The following GALK2 variants were observed in gnomAD, a reference collection of about 807,000 sequenced individuals.
GALK2 encodes the protein galactokinase 2.
In GALK2, 36 loss-of-function variants were observed where a neutral mutation model predicts 52.4. The observed-to-expected ratio is 0.69, with a 90% CI of 0.53 to 0.91. The LOEUF (loss-of-function observed/expected upper bound fraction) is 0.91, where lower values mean the gene tolerates loss of function less well. Among genes scored for constraint, GALK2 ranks in the 40% least tolerant of loss-of-function variants. The probability of loss-of-function intolerance (pLI) is 0.00; values close to 1 mark genes in which losing one functional copy is unlikely to be tolerated. For synonymous variants in GALK2, 176 were observed against 199.1 expected, an observed-to-expected ratio of 0.88 and a Z score of 0.98; for missense variants, 579 against 559.1, an observed-to-expected ratio of 1.04 and a Z score of -0.36.
At chr15:49,263,678 A>T in intron 5 of GALK2, among the ~76,000 whole-genome samples, 2 of 127,666 alleles carry the variant, frequency 1.6e-5, no homozygotes, top group South Asian at 2.9e-4. Context: ...TGGTCTTTAC[A>T]TTTTGGCATG....
intron 1 of GALK2, among the ~76,000 whole-genome samples, chr15:49,199,466 A>T (rs1026207568): frequency 2.0e-5 from 3 of 152,168 alleles, no homozygotes; most frequent in African/African-American, 7.2e-5. Context: ...TAGCGATATC[A>T]GTTATTGTCT....
rs2089450447 is a variant in GALK2, at chr15:49,217,207, T to C, written c.160T>C (p.Cys54Arg). 6.2e-7 allele frequency: 1 copy of C among 1,610,786 alleles called. No homozygotes were observed. The highest frequency in any genetic ancestry group is 1.3e-5 in the African/African-American group (1 of 74,834). ...VNIIGEHIDY[C>R]GYSVLPMAVE... ...TTTTCTAGGAGAGCATATAGATTATTGTGGATATTCTGTTCTTCCTATGGC... is the reference window on the plus strand; with the variant it reads ...TTTTCTAGGAGAGCATATAGATTATCGTGGATATTCTGTTCTTCCTATGGC... Residue 54 changes from cysteine to arginine, a missense_variant, in exon 3 of 10, where the codon TGT (cysteine) becomes CGT (arginine). By Grantham distance (180) the Cys-to-Arg change is radical. Coordinates refer to ENST00000560031, the MANE Select transcript of GALK2 (RefSeq NM_002044.4).
At position 49,258,792 on chromosome 15, in the gene GALK2, A is replaced by ATGTG. The variant is rs758074597; in HGVS notation, c.504+19426_504+19427insGTGT. On this transcript the variant is annotated intron_variant, in intron 5 of 9. Coordinates refer to ENST00000560031, the MANE Select transcript of GALK2 (RefSeq NM_002044.4). ...TATTTGGAAGCATATATATATATATATATGTGTGTGTGTGTGTGTGTGTGT... is the reference window on the plus strand; with the variant it reads ...TATTTGGAAGCATATATATATATATATGTGTATGTGTGTGTGTGTGTGTGTGTGT... Among the ~76,000 whole-genome samples, 251 of 130,834 alleles carry ATGTG rather than the reference A, an allele frequency of 1.9e-3. 1 individual carries two copies. The highest frequency in any genetic ancestry group is 5.4e-3 in the African/African-American group (171 of 31,482). The allele number at this position is 130,834 out of a possible 152,430, so 85.8% of individuals were successfully genotyped here.
chr15:49,267,185 G>T (rs7175494), intron 5 of GALK2, among the ~76,000 whole-genome samples: 1,784 of 152,270 alleles, frequency 0.012, 35 homozygotes, highest in African/African-American at 0.041. Flanking sequence ...ATGGCCAAAT[G>T]GGAAGTTATA....
At chr15:49,322,090 T>C (rs2036922056) in intron 9 of GALK2, among the ~76,000 whole-genome samples, 1 of 152,258 alleles carries the variant, frequency 6.6e-6, no homozygotes, top group Non-Finnish European at 1.5e-5. Context: ...AATATGGTTC[T>C]AGTGAAAAAG....
intron 1 of GALK2, chr15:49,159,091 G>A (rs1272811567): frequency 6.6e-6 from 1 of 152,098 alleles, no homozygotes; most frequent in Non-Finnish European, 1.5e-5. Context: ...TGGTATTACA[G>A]GTGTGAACCA....
intron 3 of GALK2, among the ~76,000 whole-genome samples, chr15:49,232,246 A>G (rs959347772): frequency 2.0e-5 from 3 of 152,192 alleles, no homozygotes; most frequent in Non-Finnish European, 4.4e-5. Context: ...TGGCTTGCAC[A>G]TTCTGAAGCA....
chr15:49,328,326 A>G lies in GALK2; in HGVS notation c.*167A>G. On this transcript the variant is annotated 3_prime_UTR_variant, in exon 10 of 10. Transcript: ENST00000560031. ...TGGTTGAAAGCTCTCTATGCTTCAT[A>G]ATGATTCTTTTTCCATCTTAAAATA... The G allele has an allele frequency of 7.0e-7, 1 of 1,431,946 alleles. No homozygotes were observed. The allele number at this position is 1,431,946 out of a possible 1,614,324, so 88.7% of individuals were successfully genotyped here. A position where few individuals can be genotyped will look rare whatever the true frequency, so the allele number is the denominator to read the frequency against.
chr15:49,182,912 AT>A (rs568212868), intron 1 of GALK2, among the ~76,000 whole-genome samples: 1 of 151,874 alleles, frequency 6.6e-6, no homozygotes, highest in African/African-American at 2.4e-5. Flanking sequence ...GTTTGCAAAT[AT>A]TTTTTCTCAT....
rs942032685 is a variant in GALK2 at position 49,225,575 on chromosome 15, T to C, written c.266+8262T>C. Among the ~76,000 whole-genome samples the C allele has an allele frequency of 5.3e-5, 8 of 152,042 alleles. No homozygotes were observed. The East Asian group carries it at 1.5e-3, about 29-fold the overall frequency. On this transcript the variant is annotated intron_variant, in intron 3 of 9. Coordinates refer to ENST00000560031, the MANE Select transcript of GALK2 (RefSeq NM_002044.4). ...CCAACATACACCATCCATGGAAAAATTGTCTTCCACAAAACTGGTCCCTGT... is the reference window on the plus strand; with the variant it reads ...CCAACATACACCATCCATGGAAAAACTGTCTTCCACAAAACTGGTCCCTGT...
intron 2 of GALK2, among the ~76,000 whole-genome samples, chr15:49,210,809 C>T (rs980529188): frequency 4.6e-5 from 7 of 152,032 alleles, no homozygotes; most frequent in South Asian, 2.1e-4. Context: ...TGTAGTGGCA[C>T]GATCTTGGCT....
chr15:49,295,628 T>C (rs549155830), intron 8 of GALK2, among the ~76,000 whole-genome samples: 1 of 152,290 alleles, frequency 6.6e-6, no homozygotes. Flanking sequence ...CTAAGTTCTG[T>C]CCTGTGTCCC....
intron 8 of GALK2, among the ~76,000 whole-genome samples, chr15:49,296,901 A>G (rs1260060762): frequency 6.6e-6 from 1 of 152,180 alleles, no homozygotes; most frequent in Non-Finnish European, 1.5e-5. Context: ...ACCTGTCCAC[A>G]TGTGTCTTTT....
At chr15:49,356,261 A>G (rs548774245) in intron 3 of GALK2, among the ~76,000 whole-genome samples, 3 of 152,176 alleles carry the variant, frequency 2.0e-5, no homozygotes, top group South Asian at 2.1e-4. Context: ...AATGGACTAA[A>G]TGCTCCAATT....
intron 1 of GALK2, among the ~76,000 whole-genome samples, chr15:49,172,942 C>T (rs1292088620): frequency 6.6e-6 from 1 of 152,134 alleles, no homozygotes; most frequent in African/African-American, 2.4e-5. Flanking sequence ...TTAAAGTTTG[C>T]AATTAAATGG....
At chr15:49,216,311 A>G (rs78909716) in intron 2 of GALK2, among the ~76,000 whole-genome samples, 9,184 of 152,184 alleles carry the variant, frequency 0.06, 553 homozygotes, top group African/African-American at 0.15. Context: ...TCTGAATGAG[A>G]GTGGGTCCAG....
chr15:49,329,745 G>A lies in GALK2; in HGVS notation c.*1586G>A. 3.1e-6 allele frequency: 3 copies of A among 971,798 alleles called. No homozygotes were observed. The highest frequency in any genetic ancestry group is 3.7e-6 in the Non-Finnish European group (3 of 819,086). 60.2% of individuals were successfully genotyped at this position (971,798 alleles called of 1,614,324 possible). A position where few individuals can be genotyped will look rare whatever the true frequency, so the allele number is the denominator to read the frequency against. On this transcript the variant is annotated 3_prime_UTR_variant, in exon 10 of 10. Coordinates refer to ENST00000560031, the MANE Select transcript of GALK2 (RefSeq NM_002044.4). ...ATAATCCTTTATTTTTTAATACCGT[G>A]CCATTTTCCACAAAGGATTTGTGGT...
At chr15:49,245,338 A>G (rs754164367) in intron 5 of GALK2, among the ~76,000 whole-genome samples, 1 of 152,206 alleles carries the variant, frequency 6.6e-6, no homozygotes, top group Non-Finnish European at 1.5e-5. Flanking sequence ...AGAGTGAGCT[A>G]GGGGCTGCCT....
chr15:49,233,407 T>A (rs565340587), intron 3 of GALK2, among the ~76,000 whole-genome samples: 69 of 152,346 alleles, frequency 4.5e-4, no homozygotes, highest in African/African-American at 1.5e-3. Context: ...CAACTTGGCA[T>A]GAGATTTGGG....
Sources: gnomAD v4.1 joint callset for allele counts (sites outside exome capture counted in the v4.1 genomes callset) on GRCh38, gnomAD v4.1.1 for gene constraint, MANE v1.5 for transcripts, NCBI Gene and HGNC (gene_info 2026-07-23, HGNC 2026-07-21) for gene names.